The following ZFAT variants were observed in gnomAD, a reference collection of about 807,000 sequenced individuals.
ZFAT encodes zinc finger and AT-hook domain containing, also known as zinc finger protein ZFAT.
ZFAT carries 64 observed loss-of-function variants against 117.7 expected under a neutral mutation model. The observed-to-expected ratio is 0.54, with a 90% CI of 0.44 to 0.67. The LOEUF (loss-of-function observed/expected upper bound fraction) is 0.67, where lower values mean the gene tolerates loss of function less well. Among genes scored for constraint, ZFAT ranks in the 30% least tolerant of loss-of-function variants. ZFAT has a pLI of 0.00. For missense variants in ZFAT, 1,433 were observed against 1,584.5 expected, an observed-to-expected ratio of 0.90 and a Z score of 1.62; for synonymous variants, 679 against 615.0, an observed-to-expected ratio of 1.10 and a Z score of -1.54.
At chr8:134,774,660 C>CA in the ZFAT span, among the ~76,000 whole-genome samples, 95 of 152,266 alleles carry the variant, frequency 6.2e-4, no homozygotes, top group African/African-American at 2.1e-3. Context: ...ACTGGGAAAT[C>CA]AAAAAACTTG....
chr8:134,713,800 C>A (rs1044746660), upstream of ZFAT, among the ~76,000 whole-genome samples: 5 of 152,098 alleles, frequency 3.3e-5, no homozygotes, highest in African/African-American at 1.2e-4. Flanking sequence ...AACCCTCACC[C>A]CCCGAAACCC....
chr8:134,748,873 C>A, the ZFAT span, among the ~76,000 whole-genome samples: 10 of 152,092 alleles, frequency 6.6e-5, no homozygotes, highest in African/African-American at 2.4e-4. Context: ...TTGTGAGGTA[C>A]ATGTTCAAGT....
At chr8:134,814,227 T>C in the ZFAT span, among the ~76,000 whole-genome samples, 1 of 152,238 alleles carries the variant, frequency 6.6e-6, no homozygotes, top group East Asian at 1.9e-4. Context: ...ACTCATGTGC[T>C]AGCGTTCTTA....
chr8:134,687,766 G>C (rs1035869495), intron 1 of ZFAT, among the ~76,000 whole-genome samples: 1 of 152,180 alleles, frequency 6.6e-6, no homozygotes, highest in African/African-American at 2.4e-5. Context: ...AAAGTAAAAG[G>C]AGCAAAATCC....
the ZFAT span, among the ~76,000 whole-genome samples, chr8:134,786,137 G>A: frequency 6.6e-6 from 1 of 152,136 alleles, no homozygotes; most frequent in African/African-American, 2.4e-5. Context: ...ACTCACATTA[G>A]TTTTGCTACT....
intron 9 of ZFAT, among the ~76,000 whole-genome samples, chr8:134,586,432 G>C (rs11988811): frequency 6.6e-6 from 1 of 151,974 alleles, no homozygotes; most frequent in Non-Finnish European, 1.5e-5. Flanking sequence ...ACTGAGTTTC[G>C]AGAGATGGAA....
intron 15 of ZFAT, among the ~76,000 whole-genome samples, chr8:134,507,652 T>G (rs540389471): frequency 6.6e-6 from 1 of 152,230 alleles, no homozygotes. Flanking sequence ...GTCAGTCTGA[T>G]GCCTCAAAGC....
intron 1 of ZFAT, among the ~76,000 whole-genome samples, chr8:134,703,776 G>A (rs1033308456): frequency 2.3e-4 from 35 of 152,132 alleles, no homozygotes; most frequent in African/African-American, 8.2e-4. Flanking sequence ...ACTGCATGAG[G>A]GATTAGATCC....
At chr8:134,825,764 T>C in the ZFAT span, among the ~76,000 whole-genome samples, 1 of 152,216 alleles carries the variant, frequency 6.6e-6, no homozygotes, top group African/African-American at 2.4e-5. Flanking sequence ...CTCATGCCTG[T>C]AATCCCAGCA....
At chr8:134,727,543 T>C in the ZFAT span, among the ~76,000 whole-genome samples, 1 of 152,226 alleles carries the variant, frequency 6.6e-6, no homozygotes, top group Non-Finnish European at 1.5e-5. Context: ...AACCAAATTT[T>C]AAAACATACT....
In ZFAT at chr8:134,578,488, T is replaced by A. The variant is rs565445481; in HGVS notation, c.2887+5344A>T. ...AGCTGGGGGAGAGTAGGAGAAGACATCAGAGAGATGGGGGGATCAAGCAGG... is the reference window on the plus strand; with the variant it reads ...AGCTGGGGGAGAGTAGGAGAAGACAACAGAGAGATGGGGGGATCAAGCAGG... On this transcript the variant is annotated intron_variant, in intron 10 of 15. Transcript: ENST00000377838. Among the ~76,000 whole-genome samples the A allele has an allele frequency of 2.7e-5, 4 of 145,912 alleles. No individual in the cohort carries two copies. In the East Asian group the frequency reaches 8.3e-4, roughly 30 times the overall value.
At chr8:134,673,245 A>G (rs1451495571) in intron 1 of ZFAT, 2 of 152,320 alleles carry the variant, frequency 1.3e-5, no homozygotes, top group Non-Finnish European at 2.9e-5. Flanking sequence ...ATGATCCTCA[A>G]GTAAATCAGA....
rs759758231 is a variant in ZFAT at position 134,657,744 on chromosome 8, G to A, written c.20-7C>T. ...ATAAAGATGGCCGTGTTTTCTGTAA[G>A]GAAAAAAAAGGAAAATATGTTATTT... On this transcript the variant is annotated splice_polypyrimidine_tract_variant and splice_region_variant and intron_variant, in intron 1 of 15. Transcript: ENST00000377838. 22 of 1,595,360 alleles carry A rather than the reference G, an allele frequency of 1.4e-5. No homozygotes were observed. Among genetic ancestry groups the A allele is most frequent in the Admixed American group, 5.4e-5 (3 of 55,378 alleles).
At chr8:134,675,111 C>T (rs1050343335) in intron 1 of ZFAT, among the ~76,000 whole-genome samples, 2 of 152,178 alleles carry the variant, frequency 1.3e-5, no homozygotes, top group African/African-American at 2.4e-5. Flanking sequence ...ATGAGTTTGA[C>T]AAATTGACAG....
At chr8:134,600,783 G>A (rs1416854997) in intron 6 of ZFAT, 115 bp from the exon 7 acceptor site, 20 of 856,386 alleles carry the variant, frequency 2.3e-5, no homozygotes, top group Non-Finnish European at 3.4e-5. Flanking sequence ...CGCTTGTCCG[G>A]GTCACCCTTC....
chr8:134,544,736 C>G (rs1160362725), intron 11 of ZFAT, among the ~76,000 whole-genome samples: 1 of 151,878 alleles, frequency 6.6e-6, no homozygotes, highest in African/African-American at 2.4e-5. Flanking sequence ...AGGGGCTCAA[C>G]CTCATTAACA....
chr8:134,520,835 A>C, intron 13 of ZFAT, 48 bp downstream of exon 13: 1 of 1,486,946 alleles, frequency 6.7e-7, no homozygotes, highest in South Asian at 1.2e-5. Context: ...CTGGTTTGTC[A>C]TCTGTGTTTT....
At chr8:134,790,869 G>A in the ZFAT span, among the ~76,000 whole-genome samples, 2 of 151,946 alleles carry the variant, frequency 1.3e-5, no homozygotes, top group African/African-American at 4.8e-5. Flanking sequence ...TTAAAAACTA[G>A]CCAGGCAAGG....
chr8:134,722,510 TGCTTG>T, the ZFAT span, among the ~76,000 whole-genome samples: 1 of 152,198 alleles, frequency 6.6e-6, no homozygotes, highest in Non-Finnish European at 1.5e-5. Flanking sequence ...CCAAGACAGC[TGCTTG>T]GATCATGAGA....
Sources: gnomAD v4.1 joint callset for allele counts (sites outside exome capture counted in the v4.1 genomes callset) on GRCh38, gnomAD v4.1.1 for gene constraint, MANE v1.5 for transcripts, NCBI Gene and HGNC (gene_info 2026-07-23, HGNC 2026-07-21) for gene names.